The following ST6GALNAC5 variants were observed in gnomAD, a reference collection of about 807,000 sequenced individuals.
ST6GALNAC5 encodes the protein alpha-N-acetylgalactosaminide alpha-2,6-sialyltransferase 5.
ST6GALNAC5 carries 27 observed loss-of-function variants against 33.6 expected under a neutral mutation model. The observed-to-expected ratio is 0.80, with a 90% CI of 0.59 to 1.11. ST6GALNAC5 has a LOEUF of 1.11. Ranked by LOEUF, ST6GALNAC5 falls within the 50% of genes least tolerant of loss-of-function variation. ST6GALNAC5 has a pLI of 0.00. For missense variants in ST6GALNAC5, 428 were observed against 454.0 expected, an observed-to-expected ratio of 0.94 and a Z score of 0.52; for synonymous variants, 194 against 171.2, an observed-to-expected ratio of 1.13 and a Z score of -1.04.
chr1:76,887,612 C>T (rs929698399), intron 2 of ST6GALNAC5, among the ~76,000 whole-genome samples: 1 of 152,088 alleles, frequency 6.6e-6, no homozygotes, highest in Non-Finnish European at 1.5e-5. Context: ...GTAATTATAT[C>T]TTCATTTAGG....
rs531827168 is a variant in ST6GALNAC5 at position 77,059,935 on chromosome 1, A to G, written c.780-3040A>G. Among the ~76,000 whole-genome samples, 9 of 152,142 alleles carry G rather than the reference A, an allele frequency of 5.9e-5. No homozygotes were observed. In the East Asian group the frequency reaches 1.7e-3, roughly 29 times the overall value. Reference sequence around the variant, plus strand: ...ATTGGTTTTATAATCCAATACTGACATTGTTTATTTTGGTTCAAACCTAAG... The same window carrying G: ...ATTGGTTTTATAATCCAATACTGACGTTGTTTATTTTGGTTCAAACCTAAG... On this transcript the variant is annotated intron_variant, in intron 4 of 4. Coordinates refer to ENST00000477717, the MANE Select transcript of ST6GALNAC5 (RefSeq NM_030965.3).
intron 2 of ST6GALNAC5, among the ~76,000 whole-genome samples, chr1:76,969,128 A>G (rs1200709144): frequency 1.3e-5 from 2 of 152,180 alleles, no homozygotes; most frequent in Non-Finnish European, 2.9e-5. Flanking sequence ...TGATTACTGC[A>G]TTTCCAACTG....
At chr1:76,992,875 A>C (rs1385598164) in intron 2 of ST6GALNAC5, among the ~76,000 whole-genome samples, 1 of 152,196 alleles carries the variant, frequency 6.6e-6, no homozygotes, top group Non-Finnish European at 1.5e-5. Context: ...AACAGTATGC[A>C]CACACTTGCA....
intron 2 of ST6GALNAC5, among the ~76,000 whole-genome samples, chr1:76,989,618 G>A (rs1649644592): frequency 6.6e-6 from 1 of 151,856 alleles, no homozygotes; most frequent in Admixed American, 6.6e-5. Context: ...TATTTATAAG[G>A]GCTTTCTTGA....
chr1:76,923,116 G>A (rs190227150), intron 2 of ST6GALNAC5, among the ~76,000 whole-genome samples: 1 of 152,146 alleles, frequency 6.6e-6, no homozygotes, highest in Non-Finnish European at 1.5e-5. Context: ...CTGGATCAGT[G>A]TCAGTACCCT....
chr1:77,009,624 C>T (rs1650557727), intron 2 of ST6GALNAC5, among the ~76,000 whole-genome samples: 1 of 152,110 alleles, frequency 6.6e-6, no homozygotes, highest in Non-Finnish European at 1.5e-5. Flanking sequence ...CTGTCCTCCC[C>T]CATGTGACAA....
At chr1:76,977,083 A>G (rs1189246717) in intron 2 of ST6GALNAC5, among the ~76,000 whole-genome samples, 1 of 152,120 alleles carries the variant, frequency 6.6e-6, no homozygotes, top group South Asian at 2.1e-4. Context: ...ATATGTTTCT[A>G]TCTATATTAA....
At chr1:76,980,917 A>G (rs1385613824) in intron 2 of ST6GALNAC5, among the ~76,000 whole-genome samples, 1 of 152,246 alleles carries the variant, frequency 6.6e-6, no homozygotes, top group African/African-American at 2.4e-5. Context: ...GATACCATCA[A>G]GAAAATAAAA....
At chr1:76,887,712 G>A (rs941569168) in intron 2 of ST6GALNAC5, among the ~76,000 whole-genome samples, 1 of 152,018 alleles carries the variant, frequency 6.6e-6, no homozygotes, top group Admixed American at 6.6e-5. Context: ...TATTATTTTG[G>A]CTAGTAATTA....
chr1:76,932,464 T>G lies in ST6GALNAC5; in HGVS notation c.261+63722T>G, dbSNP rs933727402. Among the ~76,000 whole-genome samples, 5 of 152,012 alleles carry G rather than the reference T, an allele frequency of 3.3e-5. No individual in the cohort carries two copies. In the South Asian group the frequency reaches 1.0e-3, roughly 32 times the overall value. ...TGAGAGTAACTAGGGTAGGGTTGAG[T>G]AGGGCTTTAGGTAAGTATGTAAGTA... is the stretch of plus-strand genomic sequence containing the variant. On this transcript the variant is annotated intron_variant, in intron 2 of 4. Transcript: ENST00000477717.
chr1:77,010,626 C>T (rs6696651), intron 2 of ST6GALNAC5, among the ~76,000 whole-genome samples: 29,152 of 149,506 alleles, frequency 0.19, 3,260 homozygotes, highest in African/African-American at 0.31. Context: ...TCTCAGCCTG[C>T]GACACTGTCC....
At chr1:76,983,401 T>C (rs1649340416) in intron 2 of ST6GALNAC5, among the ~76,000 whole-genome samples, 1 of 151,854 alleles carries the variant, frequency 6.6e-6, no homozygotes, top group African/African-American at 2.4e-5. Flanking sequence ...CCAACAAAGA[T>C]CAAAGGAGAC....
intron 2 of ST6GALNAC5, among the ~76,000 whole-genome samples, chr1:77,023,823 G>A (rs1020640006): frequency 1.3e-5 from 2 of 152,246 alleles, no homozygotes. Context: ...GAGCTACAAA[G>A]CAGGAAGAAC....
chr1:76,990,401 AC>A (rs1377886109), intron 2 of ST6GALNAC5, among the ~76,000 whole-genome samples: 1 of 152,204 alleles, frequency 6.6e-6, no homozygotes, highest in Non-Finnish European at 1.5e-5. Context: ...AACAGCAGTT[AC>A]CTGAAAATCC....
intron 2 of ST6GALNAC5, among the ~76,000 whole-genome samples, chr1:76,984,194 A>C (rs1323037714): frequency 1.3e-5 from 2 of 152,220 alleles, no homozygotes; most frequent in African/African-American, 2.4e-5. Flanking sequence ...AGACACAAAA[A>C]ACCCTTCAAA....
chr1:77,028,140 T>C (rs921028712), intron 2 of ST6GALNAC5, among the ~76,000 whole-genome samples: 1 of 152,178 alleles, frequency 6.6e-6, no homozygotes, highest in Non-Finnish European at 1.5e-5. Flanking sequence ...AGCCTCAAAT[T>C]CTTTAACCCT....
intron 2 of ST6GALNAC5, among the ~76,000 whole-genome samples, chr1:76,967,975 AT>A (rs1374698761): frequency 6.6e-6 from 1 of 152,026 alleles, no homozygotes; most frequent in Non-Finnish European, 1.5e-5. Flanking sequence ...GTTCTTTTAC[AT>A]TTGCTGAGGA....
At chr1:76,972,501 C>T (rs1459863127) in intron 2 of ST6GALNAC5, among the ~76,000 whole-genome samples, 2 of 152,134 alleles carry the variant, frequency 1.3e-5, no homozygotes, top group Non-Finnish European at 2.9e-5. Flanking sequence ...CATTTCATAG[C>T]TACACATAGA....
intron 2 of ST6GALNAC5, among the ~76,000 whole-genome samples, chr1:77,018,228 T>A (rs1254281798): frequency 6.6e-6 from 1 of 152,160 alleles, no homozygotes; most frequent in African/African-American, 2.4e-5. Context: ...ACCTTCATCT[T>A]CTCACCATCA....
Sources: gnomAD v4.1 joint callset for allele counts (sites outside exome capture counted in the v4.1 genomes callset) on GRCh38, gnomAD v4.1.1 for gene constraint, MANE v1.5 for transcripts, NCBI Gene and HGNC (gene_info 2026-07-23, HGNC 2026-07-21) for gene names.